TBC1D8B: variants seen among roughly 807,000 people sequenced by gnomAD.
TBC1D8B encodes TBC1 domain family member 8B.
In TBC1D8B, 75 loss-of-function variants were observed where a neutral mutation model predicts 82.9. That is an observed-to-expected ratio of 0.90 (90% CI 0.75 to 1.10). The LOEUF (loss-of-function observed/expected upper bound fraction) is 1.10. Among genes scored for constraint, TBC1D8B ranks in the 50% least tolerant of loss-of-function variants. TBC1D8B has a pLI of 0.00. For missense variants in TBC1D8B, 794 were observed against 796.9 expected, an observed-to-expected ratio of 1.00 and a Z score of 0.04; for synonymous variants, 276 against 276.8, an observed-to-expected ratio of 1.00 and a Z score of 0.03.
At chrX:106,870,629 T>C (rs919754875) in intron 19 of TBC1D8B, 87 bp from the exon 20 acceptor site, 1 of 567,718 alleles carries the variant, frequency 1.8e-6, no homozygotes, top group Non-Finnish European at 2.8e-6. Context: ...CTCAGTGAAA[T>C]ACCTTTTAAT....
Position 106,868,431 on chromosome X carries a change from G to A in TBC1D8B, c.2767G>A (p.Asp923Asn). Reference sequence around the variant, plus strand: ...GAAATCTAAGGATGCTTCAAAAGGAGATGAACTTTCCAAGGAAGAATTACT... The same window carrying A: ...GAAATCTAAGGATGCTTCAAAAGGAAATGAACTTTCCAAGGAAGAATTACT... The part of the protein sequence containing the change: ...EVKSKDASKG[D>N]ELSKEELLYF... The change falls in exon 18 of 21, where the codon GAT (aspartate) becomes AAT (asparagine). Residue 923 changes from aspartate (D) to asparagine (N), a missense_variant. Coordinates refer to ENST00000357242, the MANE Select transcript of TBC1D8B (RefSeq NM_017752.3). The A allele has an allele frequency of 2.0e-6, 2 of 1,004,177 alleles. No individual in the cohort carries two copies. The allele number at this position is 1,004,177 out of a possible 1,213,427, so 82.8% of individuals were successfully genotyped here.
intron 1 of TBC1D8B, among the ~76,000 whole-genome samples, chrX:106,803,558 C>T (rs1478180723): frequency 9.0e-6 from 1 of 110,868 alleles, no homozygotes; most frequent in Non-Finnish European, 1.9e-5. Flanking sequence ...CTGATCTCTC[C>T]CAATTTAGCA....
At chrX:106,846,081 TTCTC>T (rs1392367284) in intron 10 of TBC1D8B, among the ~76,000 whole-genome samples, 15 of 104,104 alleles carry the variant, frequency 1.4e-4, no homozygotes, top group Admixed American at 4.2e-4. Context: ...TCTTTCTTTT[TTCTC>T]TCTCTCTCTC....
rs772718382 is a variant in TBC1D8B, at chrX:106,854,204, G to A, written c.2260G>A (p.Gly754Ser). Residue 754 changes from glycine (G) to serine (S), a missense_variant, in exon 14 of 21, where the codon GGT (glycine) becomes AGT (serine). Gly to Ser is a moderately conservative substitution (Grantham distance 56). Transcript: ENST00000357242. ...DLIRESNEKY[G>S]NIRYEDIHSM... Reference sequence around the variant, plus strand: ...GAAATCATATCTCTTGCAGAAATATGGTAATATTCGCTATGAAGATATACA... The same window carrying A: ...GAAATCATATCTCTTGCAGAAATATAGTAATATTCGCTATGAAGATATACA... The A allele has an allele frequency of 9.5e-6, 11 of 1,152,712 alleles. No individual in the cohort carries two copies. In the East Asian group the frequency reaches 3.2e-4, roughly 33 times the overall value. 95.0% of individuals were successfully genotyped at this position (1,152,712 alleles called of 1,213,427 possible).
chrX:106,864,436 T>C (rs763846694), intron 14 of TBC1D8B, among the ~76,000 whole-genome samples: 2 of 109,833 alleles, frequency 1.8e-5, no homozygotes, highest in Admixed American at 1.9e-4. Context: ...CTAAACCCTT[T>C]GTTTCCCCTC....
intron 14 of TBC1D8B, among the ~76,000 whole-genome samples, chrX:106,862,766 G>GT (rs199693098): frequency 3.7e-3 from 132 of 35,692 alleles, no homozygotes; most frequent in African/African-American, 5.3e-3. Flanking sequence ...CTTTGGATGG[G>GT]TTTTTTTTTG....
intron 17 of TBC1D8B, 42 bp from the exon 18 acceptor site, chrX:106,868,351 G>A: frequency 1.1e-6 from 1 of 911,642 alleles, no homozygotes; most frequent in Non-Finnish European, 1.4e-6. Context: ...CTCTGCCCCT[G>A]GTTGTTAATA....
intron 14 of TBC1D8B, among the ~76,000 whole-genome samples, chrX:106,858,373 C>T (rs866423448): frequency 2.7e-5 from 3 of 111,632 alleles, no homozygotes; most frequent in African/African-American, 6.5e-5. Context: ...CCCAGGTTCA[C>T]GCCATTCTCC....
At chrX:106,837,843 C>T (rs1269058753) in intron 7 of TBC1D8B, among the ~76,000 whole-genome samples, 2 of 111,684 alleles carry the variant, frequency 1.8e-5, no homozygotes, top group Non-Finnish European at 3.8e-5. Context: ...ATCACATTCT[C>T]TGTATCCATC....
chrX:106,824,922 A>G (rs1370261559), intron 5 of TBC1D8B, among the ~76,000 whole-genome samples: 1 of 111,762 alleles, frequency 8.9e-6, no homozygotes, highest in Non-Finnish European at 1.9e-5. Flanking sequence ...ACAGAAGCAC[A>G]GTAATGATAG....
At chrX:106,873,215 A>G (rs1325465270) in intron 20 of TBC1D8B, among the ~76,000 whole-genome samples, 2 of 111,001 alleles carry the variant, frequency 1.8e-5, no homozygotes, top group African/African-American at 6.6e-5. Context: ...CTCCTGCCTC[A>G]GCCTCCCAAG....
rs769746560 is a variant in TBC1D8B, at chrX:106,827,242, C to T, written c.1108C>T (p.Arg370Cys). The T allele has an allele frequency of 3.1e-5, 38 of 1,209,488 alleles. No homozygotes were observed. The highest frequency in any genetic ancestry group is 3.8e-5 in the Non-Finnish European group (34 of 894,839). The change falls in exon 7 of 21, where the codon CGC becomes TGC. Residue 370 changes from arginine (R) to cysteine (C), a missense_variant. Physicochemically the swap from Arg to Cys is radical, Grantham distance 180. Transcript: ENST00000357242. ...TAGCATCAAAGGAAAAACAGCTTTT[C>T]GCTTCCATGAAGTTAAAGACTTTGA... ...IISIKGKTAF[R>C]FHEVKDFEQL...
intron 1 of TBC1D8B, among the ~76,000 whole-genome samples, chrX:106,807,148 G>C (rs1351628192): frequency 9.0e-6 from 1 of 110,746 alleles, no homozygotes; most frequent in Non-Finnish European, 1.9e-5. Flanking sequence ...ACTGAGATGA[G>C]GGTGCCCAAG....
rs142730643 is a variant in TBC1D8B, at chrX:106,866,804, G to A, written c.2670G>A (p.Met890Ile). 6.5e-5 allele frequency: 76 copies of A among 1,168,998 alleles called. No homozygotes were observed. In the Admixed American group the frequency reaches 1.0e-3, roughly 16 times the overall value. ...TTGAATTTTATTGAACAGACATAATGTACAATGGAAGTTTTACTGAGAAGC... is the reference window on the plus strand; with the variant it reads ...TTGAATTTTATTGAACAGACATAATATACAATGGAAGTTTTACTGAGAAGC... Reference protein sequence around the residue: ...FKEFSSAIDIMYNGSFTEKLK... With the variant: ...FKEFSSAIDIIYNGSFTEKLK... Residue 890 changes from methionine to isoleucine, a missense_variant, in exon 17 of 21, where the codon ATG becomes ATA. Met to Ile is a conservative substitution (Grantham distance 10). Transcript: ENST00000357242.
rs1158597375 is a variant in TBC1D8B at position 106,811,297 on chromosome X, G to A, written c.131-7366G>A. Among the ~76,000 whole-genome samples, 18 of 111,942 alleles carry A rather than the reference G, an allele frequency of 1.6e-4. No individual in the cohort carries two copies. In the Admixed American group the frequency reaches 1.7e-3, roughly 11 times the overall value. On this transcript the variant is annotated intron_variant, in intron 1 of 20. Transcript: ENST00000357242. ...CTCAGCACTTTGGGAGGCCAAGGCAGGAGAATTGCTTGAGCCCGGGAGTTG... is the reference window on the plus strand; with the variant it reads ...CTCAGCACTTTGGGAGGCCAAGGCAAGAGAATTGCTTGAGCCCGGGAGTTG...
intron 1 of TBC1D8B, among the ~76,000 whole-genome samples, chrX:106,816,252 TCTTATACACCAATAACAAA>T (rs1378344844): frequency 2.7e-5 from 3 of 111,418 alleles, no homozygotes; most frequent in Non-Finnish European, 3.8e-5. Flanking sequence ...TCACAAGCAT[TCTTATACACCAATAACAAA>T]CAGAGAGCCA....
chrX:106,816,007 G>A (rs1042111652), intron 1 of TBC1D8B, among the ~76,000 whole-genome samples: 2 of 111,431 alleles, frequency 1.8e-5, no homozygotes, highest in Non-Finnish European at 3.8e-5. Context: ...GCACAAGACA[G>A]GGATGCCCTC....
chrX:106,863,512 C>A (rs1021636269), intron 14 of TBC1D8B, among the ~76,000 whole-genome samples: 4 of 111,651 alleles, frequency 3.6e-5, no homozygotes, highest in Admixed American at 9.4e-5. Context: ...ACCCCTCTAT[C>A]AAGCTGCGAA....
rs746967668 is a variant in TBC1D8B at position 106,865,826 on chromosome X, G to C, written c.2455G>C (p.Gly819Arg). 8.3e-7 allele frequency: 1 copy of C among 1,204,935 alleles called. No individual in the cohort carries two copies. The highest frequency in any genetic ancestry group is 1.8e-5 in the South Asian group (1 of 55,649). Residue 819 changes from glycine to arginine, a missense_variant, in exon 16 of 21, where the codon GGT becomes CGT. By Grantham distance (125) the Gly-to-Arg change is moderately radical. Transcript: ENST00000357242. ...ELFLSCYWCL[G>R]CPVLKHHDPS... Reference sequence around the variant, plus strand: ...GTTTTTATCTTGTTATTGGTGTTTGGGTTGCCCAGTATTGAAGCATCATGA... The same window carrying C: ...GTTTTTATCTTGTTATTGGTGTTTGCGTTGCCCAGTATTGAAGCATCATGA...
Sources: gnomAD v4.1 joint callset for allele counts (sites outside exome capture counted in the v4.1 genomes callset) on GRCh38, gnomAD v4.1.1 for gene constraint, MANE v1.5 for transcripts, NCBI Gene and HGNC (gene_info 2026-07-23, HGNC 2026-07-21) for gene names.